Variants in EPB41L3 observed in about 807,000 individuals in gnomAD.
EPB41L3 encodes erythrocyte membrane protein band 4.1 like 3, also known as band 4.1-like protein 3.
A neutral mutation model predicts 127.1 loss-of-function variants in EPB41L3; 57 were observed. The ratio of observed to expected loss-of-function variants is 0.45; its 90% CI spans 0.36 to 0.56. EPB41L3 has a LOEUF of 0.56. EPB41L3 is among the 20% of genes least tolerant of loss of function. EPB41L3 has a pLI of 0.00. For missense variants in EPB41L3, 1,273 were observed against 1,372.2 expected (o/e 0.93, Z 1.14); for synonymous variants, 572 against 549.5 (o/e 1.04, Z -0.57).
At chr18:5,410,921 A>G (rs1400121145) in intron 13 of EPB41L3, among the ~76,000 whole-genome samples, 3 of 152,052 alleles carry the variant, frequency 2.0e-5, no homozygotes, top group Non-Finnish European at 4.4e-5. Context: ...TCATCCCCAC[A>G]CCCTTCCTCC....
At chr18:5,538,944 GTAAT>G (rs1022266217) in intron 1 of EPB41L3, among the ~76,000 whole-genome samples, 1 of 151,058 alleles carries the variant, frequency 6.6e-6, no homozygotes, top group African/African-American at 2.4e-5. Context: ...CATGAGTCTG[GTAAT>G]TCTCATTTTT....
intron 3 of EPB41L3, among the ~76,000 whole-genome samples, chr18:5,557,358 A>G (rs2094052431): frequency 6.6e-6 from 1 of 152,076 alleles, no homozygotes; most frequent in South Asian, 2.1e-4. Flanking sequence ...AAAAGTTTAA[A>G]AATGGCTCAA....
chr18:5,541,485 T>C (rs1326364239), intron 1 of EPB41L3, among the ~76,000 whole-genome samples: 1 of 143,360 alleles, frequency 7.0e-6, no homozygotes, highest in East Asian at 1.9e-4. Flanking sequence ...TAATCTAATA[T>C]ACTATATAAG....
intron 3 of EPB41L3, among the ~76,000 whole-genome samples, chr18:5,453,817 C>T (rs2082627102): frequency 6.6e-6 from 1 of 152,154 alleles, no homozygotes; most frequent in Non-Finnish European, 1.5e-5. Flanking sequence ...ATCTATGTGT[C>T]TAAGAAGTGC....
intron 11 of EPB41L3, 138 bp from the exon 12 acceptor site, chr18:5,420,015 G>T: frequency 6.9e-7 from 1 of 1,455,312 alleles, no homozygotes. Context: ...TATCTTTACT[G>T]AAAAAAAAAA....
chr18:5,464,871 ACT>A (rs2084677557), intron 3 of EPB41L3, among the ~76,000 whole-genome samples: 1 of 152,170 alleles, frequency 6.6e-6, no homozygotes, highest in South Asian at 2.1e-4. Flanking sequence ...AAGAGGGTTG[ACT>A]TCCTCAGATC....
chr18:5,405,964 G>C (rs1439289339), intron 16 of EPB41L3, among the ~76,000 whole-genome samples: 4 of 152,106 alleles, frequency 2.6e-5, no homozygotes, highest in African/African-American at 9.7e-5. Flanking sequence ...GATGGCTCAC[G>C]CCTGTAATCC....
At chr18:5,612,740 C>A (rs768561459) in intron 2 of EPB41L3, among the ~76,000 whole-genome samples, 9 of 152,148 alleles carry the variant, frequency 5.9e-5, no homozygotes, top group Non-Finnish European at 8.8e-5. Flanking sequence ...TTTTCAAACA[C>A]ATTTTTGTTT....
chr18:5,404,927 G>T (rs1195323928), intron 16 of EPB41L3, among the ~76,000 whole-genome samples: 3 of 152,134 alleles, frequency 2.0e-5, no homozygotes, highest in African/African-American at 7.2e-5. Context: ...ATATTGTAAG[G>T]ACTATTATAT....
intron 3 of EPB41L3, among the ~76,000 whole-genome samples, chr18:5,476,076 T>C (rs1345728236): frequency 1.3e-5 from 2 of 152,174 alleles, no homozygotes; most frequent in Admixed American, 6.6e-5. Flanking sequence ...TAGCACCTCA[T>C]TGCCTCCTTG....
intron 3 of EPB41L3, chr18:5,567,109 ACTCAGTTTTTAGAGC>A (rs1411910601): frequency 6.6e-6 from 1 of 151,954 alleles, no homozygotes; most frequent in African/African-American, 2.4e-5. Context: ...CCCGGTGGAG[ACTCAGTTTTTAGAGC>A]CTCAGCTTCT....
At chr18:5,471,172 G>T (rs1217231128) in intron 3 of EPB41L3, among the ~76,000 whole-genome samples, 1 of 152,168 alleles carries the variant, frequency 6.6e-6, no homozygotes, top group Non-Finnish European at 1.5e-5. Flanking sequence ...CTGTTATACT[G>T]TCTGTCCTTA....
At position 5,520,005 on chromosome 18, in the gene EPB41L3, G is replaced by A. The variant is rs117432905; in HGVS notation, c.-12+23908C>T. 4.6e-5 allele frequency among the ~76,000 whole-genome samples: 7 copies of A among 152,254 alleles called. No homozygotes were observed. In the East Asian group the frequency reaches 1.4e-3, roughly 29 times the overall value. On this transcript the variant is annotated intron_variant, in intron 1 of 22. Transcript: ENST00000341928. ...GAATGGAACTGTTTTGCTTTTTGAC[G>A]CAACCCAAGGAGCTTGTCCATGGTT...
chr18:5,395,088 A>G lies in EPB41L3; in HGVS notation c.3132T>C (p.Asp1044=). Residue 1044 remains aspartate (D), a synonymous_variant, in exon 21 of 23, where the codon GAT becomes GAC. Transcript: ENST00000341928. ...CTACCTGGTCATGGTCAATGTCTGC[A>G]TCCCCCGTGATGACTATTCGCTTCT... The part of the protein sequence containing the change: ...RIEKRIVITG[D]ADIDHDQALA... 6.2e-7 allele frequency: 1 copy of G among 1,614,136 alleles called. No homozygotes were observed. Among genetic ancestry groups the G allele is most frequent in the Non-Finnish European group, 8.5e-7 (1 of 1,180,012 alleles).
At chr18:5,411,666 T>TTTTTTTTTTTTTTTTTAGAC in intron 13 of EPB41L3, among the ~76,000 whole-genome samples, 1 of 151,378 alleles carries the variant, frequency 6.6e-6, no homozygotes. Context: ...ATTAATATTT[T>TTTTTTTTTTTTTTTTTAGAC]GAAAACAAAA....
intron 1 of EPB41L3, among the ~76,000 whole-genome samples, chr18:5,522,407 A>G (rs2093031645): frequency 6.6e-6 from 1 of 152,170 alleles, no homozygotes; most frequent in Admixed American, 6.5e-5. Context: ...TACAGATGTG[A>G]GCCGCTAAGC....
At chr18:5,427,902 C>T (rs1197882079) in intron 9 of EPB41L3, among the ~76,000 whole-genome samples, 2 of 152,152 alleles carry the variant, frequency 1.3e-5, no homozygotes, top group Middle Eastern at 3.4e-3. Context: ...CCTGCCACTA[C>T]GCCCGGCTAA....
At chr18:5,514,391 C>G (rs995863701) in intron 1 of EPB41L3, among the ~76,000 whole-genome samples, 13 of 152,194 alleles carry the variant, frequency 8.5e-5, no homozygotes, top group Admixed American at 6.5e-4. Flanking sequence ...CAAAATAAGA[C>G]ATCACATTGC....
At chr18:5,615,942 T>C (rs1278940302) in intron 1 of EPB41L3, among the ~76,000 whole-genome samples, 1 of 152,124 alleles carries the variant, frequency 6.6e-6, no homozygotes, top group Non-Finnish European at 1.5e-5. Flanking sequence ...CCTCAGGTTC[T>C]CCTCCAGAAC....
Sources: gnomAD v4.1 joint callset for allele counts (sites outside exome capture counted in the v4.1 genomes callset) on GRCh38, gnomAD v4.1.1 for gene constraint, MANE v1.5 for transcripts, NCBI Gene and HGNC (gene_info 2026-07-23, HGNC 2026-07-21) for gene names.